Variants in PCDHGA5 observed in about 807,000 individuals in gnomAD.
PCDHGA5 encodes the protein protocadherin gamma-A5.
A neutral mutation model predicts 56.7 loss-of-function variants in PCDHGA5; 36 were observed. That is an observed-to-expected ratio of 0.64 (90% CI 0.49 to 0.84). The LOEUF is 0.84. Ranked by LOEUF, PCDHGA5 falls within the 40% of genes least tolerant of loss-of-function variation. PCDHGA5 has a pLI of 0.00. For synonymous variants in PCDHGA5, 563 were observed against 520.2 expected (o/e 1.08, Z -1.12); for missense variants, 1,305 against 1,201.5 (o/e 1.09, Z -1.27).
chr5:141,492,072 C>G (rs2099736816), intron 1 of PCDHGA5: 2 of 480,040 alleles, frequency 4.2e-6, no homozygotes, highest in East Asian at 3.3e-5. Context: ...TCCTAGGCGC[C>G]GGCTCCGGCA....
At chr5:141,370,524 G>C in intron 1 of PCDHGA5, 1 of 1,613,890 alleles carries the variant, frequency 6.2e-7, no homozygotes, top group Non-Finnish European at 8.5e-7. Context: ...GCTGGACAGG[G>C]GCTCGCTGGT....
At chr5:141,479,798 G>A (rs892288776) in intron 1 of PCDHGA5, among the ~76,000 whole-genome samples, 3 of 152,116 alleles carry the variant, frequency 2.0e-5, no homozygotes, top group African/African-American at 7.2e-5. Flanking sequence ...ATTAATTCAG[G>A]GTGGTATGCA....
intron 2 of PCDHGA5, among the ~76,000 whole-genome samples, chr5:141,503,075 G>C (rs1373753092): frequency 6.6e-6 from 1 of 151,438 alleles, no homozygotes; most frequent in Non-Finnish European, 1.5e-5. Context: ...GAATGGTCTC[G>C]ATCTCCTGAC....
rs1173306822 is a variant in PCDHGA5, at chr5:141,431,115, T to G, written c.2422-63692T>G. The G allele has an allele frequency of 6.2e-7, 1 of 1,613,608 alleles. No homozygotes were observed. Among genetic ancestry groups the G allele is most frequent in the East Asian group, 2.2e-5 (1 of 44,840 alleles). ...GAGGATAAAGTGAAAATATATGGAG[T>G]AGAAGTAGAAGTAAGGGACATTAAC... On this transcript the variant is annotated intron_variant, in intron 1 of 3. Transcript: ENST00000518069. This position sits in a 1 kb window ranked among gnomAD's most constrained non-coding sequence, Gnocchi z 4.8.
At chr5:141,389,449 A>C in intron 1 of PCDHGA5, 2 of 1,610,538 alleles carry the variant, frequency 1.2e-6, no homozygotes, top group Non-Finnish European at 1.7e-6. Context: ...GACCACGAGC[A>C]GCTGCGCGCC....
chr5:141,430,933 G>C (rs2097327058), intron 1 of PCDHGA5: 1 of 1,607,608 alleles, frequency 6.2e-7, no homozygotes, highest in East Asian at 2.2e-5. Flanking sequence ...AGCCCCGGGA[G>C]CTCGCGGAGC....
chr5:141,455,860 ATTAT>A (rs145569377), intron 1 of PCDHGA5, among the ~76,000 whole-genome samples: 54,169 of 139,612 alleles, frequency 0.39, 10,686 homozygotes, highest in Admixed American at 0.44. Context: ...AATTTCTTTT[ATTAT>A]TTATTTATTT....
At chr5:141,510,879 G>T in intron 3 of PCDHGA5, 68 bp from the exon 4 acceptor site, 1 of 1,611,520 alleles carries the variant, frequency 6.2e-7, no homozygotes, top group Non-Finnish European at 8.5e-7. Flanking sequence ...TAACTGCTGG[G>T]GATATAAGAC....
At chr5:141,422,789 T>A (rs776409955) in intron 1 of PCDHGA5, 16 of 1,614,158 alleles carry the variant, frequency 9.9e-6, no homozygotes, top group Non-Finnish European at 1.4e-5. Context: ...CTACAATCCT[T>A]CGACTATGAG....
At chr5:141,400,052 T>C in intron 1 of PCDHGA5, 1 of 1,613,686 alleles carries the variant, frequency 6.2e-7, no homozygotes, top group Non-Finnish European at 8.5e-7. Context: ...CTGGTTGCTG[T>C]GCGTGATGGT....
chr5:141,485,226 T>C lies in PCDHGA5; in HGVS notation c.2422-9581T>C. ...GAAATCTGGCGGTGGGCTACCCTTT[T>C]GTTCCTCTTTTACCACCTGGGTTAC... On this transcript the variant is annotated intron_variant, in intron 1 of 3. Transcript: ENST00000518069. The surrounding 1 kb of genome is among the most constrained non-coding windows in gnomAD (Gnocchi z 5.7). 1.9e-6 allele frequency: 3 copies of C among 1,614,170 alleles called. No homozygotes were observed. Among genetic ancestry groups the C allele is most frequent in the Non-Finnish European group, 2.5e-6 (3 of 1,180,026 alleles).
intron 1 of PCDHGA5, chr5:141,409,017 G>T (rs745981387): frequency 3.1e-6 from 5 of 1,613,840 alleles, no homozygotes; most frequent in Non-Finnish European, 4.2e-6. Flanking sequence ...CAGGATGAGG[G>T]GGTCAATGCT....
intron 2 of PCDHGA5, among the ~76,000 whole-genome samples, chr5:141,496,582 G>A (rs991035985): frequency 1.9e-4 from 29 of 152,100 alleles, no homozygotes; most frequent in Non-Finnish European, 3.5e-4. Flanking sequence ...TTTTAGGAAC[G>A]CAAAGCGCTT....
At chr5:141,418,050 G>T in intron 1 of PCDHGA5, 1 of 1,613,576 alleles carries the variant, frequency 6.2e-7, no homozygotes, top group Non-Finnish European at 8.5e-7. Context: ...GTGTCGGCTC[G>T]CGAGCTGCGA....
chr5:141,478,101 T>G, intron 1 of PCDHGA5: 1 of 1,614,018 alleles, frequency 6.2e-7, no homozygotes, highest in Middle Eastern at 1.6e-4. Flanking sequence ...ACTGCTACCC[T>G]CACTGTGTCA....
intron 1 of PCDHGA5, among the ~76,000 whole-genome samples, chr5:141,488,613 A>C (rs1214413025): frequency 1.3e-5 from 2 of 152,158 alleles, no homozygotes; most frequent in Non-Finnish European, 2.9e-5. Flanking sequence ...GTTCTTACTA[A>C]TCTTTTCTCT....
chr5:141,384,503 A>G lies in PCDHGA5; in HGVS notation c.2421+17752A>G, dbSNP rs761415530. 6 of 1,614,192 alleles carry G rather than the reference A, an allele frequency of 3.7e-6. No homozygotes were observed. The highest frequency in any genetic ancestry group is 5.1e-6 in the Non-Finnish European group (6 of 1,180,018). ...GAACTACAACTAAGAGTGACTGCAC[A>G]TGACAGCGGGGACCCGCCTCTCAGC... On this transcript the variant is annotated intron_variant, in intron 1 of 3. Transcript: ENST00000518069.
In PCDHGA5 at chr5:141,388,603, C is replaced by T. The variant is rs558931275; in HGVS notation, c.2421+21852C>T. The T allele has an allele frequency of 6.9e-5, 111 of 1,613,860 alleles. 1 individual carries two copies. The South Asian group carries it at 1.2e-3, about 18-fold the overall frequency. ...GTGACTGATGCCAATGATAATGCTCCAGTGTTCAGTCAAGACGTATACAGG... is the reference window on the plus strand; with the variant it reads ...GTGACTGATGCCAATGATAATGCTCTAGTGTTCAGTCAAGACGTATACAGG... On this transcript the variant is annotated intron_variant, in intron 1 of 3. Transcript: ENST00000518069.
At chr5:141,384,231 C>T in intron 1 of PCDHGA5, 2 of 1,613,928 alleles carry the variant, frequency 1.2e-6, no homozygotes, top group Non-Finnish European at 1.7e-6. Flanking sequence ...AGGTGGCAGA[C>T]ACCAACGATA....
Sources: gnomAD v4.1 joint callset for allele counts (sites outside exome capture counted in the v4.1 genomes callset) on GRCh38, gnomAD v4.1.1 for gene constraint, Gnocchi (gnomAD v3.1) non-coding constraint, MANE v1.5 for transcripts, NCBI Gene and HGNC (gene_info 2026-07-23, HGNC 2026-07-21) for gene names.